Variants in AOPEP observed in about 807,000 individuals in gnomAD.
AOPEP encodes aminopeptidase O (putative), also known as aminopeptidase O.
A neutral mutation model predicts 98.1 loss-of-function variants in AOPEP; 77 were observed. The observed-to-expected ratio is 0.78, with a 90% confidence interval of 0.65 to 0.95. The LOEUF is 0.95. Among genes scored for constraint, AOPEP ranks in the 40% least tolerant of loss-of-function variants. The pLI is 0.00. For missense variants in AOPEP, 1,024 were observed against 1,024.7 expected (o/e 1.00, Z 0.01); for synonymous variants, 346 against 365.3 (o/e 0.95, Z 0.60).
At chr9:94,895,583 G>A (rs112564800) in intron 5 of AOPEP, among the ~76,000 whole-genome samples, 8,123 of 151,958 alleles carry the variant, frequency 0.053, 742 homozygotes, top group African/African-American at 0.18. Context: ...CCAAGTGCCT[G>A]CTTTTTTCTT....
At chr9:94,847,273 G>A (rs1428502134) in intron 5 of AOPEP, among the ~76,000 whole-genome samples, 1 of 152,186 alleles carries the variant, frequency 6.6e-6, no homozygotes, top group Non-Finnish European at 1.5e-5. Context: ...CTGTGAAGCT[G>A]GAAGGGTGGG....
intron 3 of AOPEP, among the ~76,000 whole-genome samples, chr9:94,776,459 G>A (rs1842122013): frequency 6.6e-6 from 1 of 152,136 alleles, no homozygotes; most frequent in Non-Finnish European, 1.5e-5. Context: ...ACGCCGCCAT[G>A]CCTGGCTAAT....
At chr9:94,943,671 C>A (rs946051082) in intron 7 of AOPEP, among the ~76,000 whole-genome samples, 2 of 150,638 alleles carry the variant, frequency 1.3e-5, no homozygotes, top group African/African-American at 4.9e-5. Context: ...GTAATCCCAG[C>A]ACTTTGGGAC....
intron 5 of AOPEP, among the ~76,000 whole-genome samples, chr9:94,802,179 G>A (rs181245768): frequency 2.0e-5 from 3 of 152,002 alleles, no homozygotes; most frequent in South Asian, 2.1e-4. Flanking sequence ...TGGAGGGGGG[G>A]GCTTCTTTTG....
chr9:94,804,556 G>A (rs1367682294), intron 5 of AOPEP, among the ~76,000 whole-genome samples: 6 of 152,164 alleles, frequency 3.9e-5, no homozygotes, highest in Admixed American at 1.3e-4. Context: ...TAGTGTGGCC[G>A]ATGACAGGTG....
chr9:95,006,200 A>G, intron 13 of AOPEP: 3 of 412,308 alleles, frequency 7.3e-6, no homozygotes, highest in South Asian at 5.6e-5. Context: ...TGTCATTGTA[A>G]TATCATGAAA....
intron 13 of AOPEP, chr9:95,019,381 A>G (rs1299960800): frequency 6.6e-6 from 1 of 152,196 alleles, no homozygotes; most frequent in Admixed American, 6.5e-5. Flanking sequence ...TCAAAGCTCC[A>G]TTTTAGATAA....
chr9:94,892,588 T>C (rs1373078413), intron 5 of AOPEP, among the ~76,000 whole-genome samples: 1 of 152,206 alleles, frequency 6.6e-6, no homozygotes, highest in Non-Finnish European at 1.5e-5. Context: ...TTCTGTGAGA[T>C]GGCCTCATTT....
chr9:94,845,751 G>T (rs534671771), intron 5 of AOPEP, among the ~76,000 whole-genome samples: 14 of 152,072 alleles, frequency 9.2e-5, no homozygotes, highest in Non-Finnish European at 1.8e-4. Context: ...GGAGGGCTGG[G>T]CAGGGGAAGA....
chr9:95,141,984 G>GTTTT, the AOPEP span, among the ~76,000 whole-genome samples: 2 of 97,766 alleles, frequency 2.0e-5, no homozygotes, highest in East Asian at 3.0e-4. Context: ...CAGTTTGTGG[G>GTTTT]GTTTTTTTTT....
intron 5 of AOPEP, among the ~76,000 whole-genome samples, chr9:94,816,807 T>C (rs1264706218): frequency 1.3e-5 from 2 of 152,080 alleles, no homozygotes; most frequent in African/African-American, 4.8e-5. Flanking sequence ...GATATCTGGT[T>C]CCCATTTCGT....
At chr9:94,985,210 A>G (rs191580200) in intron 11 of AOPEP, among the ~76,000 whole-genome samples, 5 of 152,400 alleles carry the variant, frequency 3.3e-5, no homozygotes, top group East Asian at 1.9e-4. Context: ...GCAGAAAGCA[A>G]CTTGGGTTCC....
At chr9:95,135,731 G>GA in the AOPEP span, among the ~76,000 whole-genome samples, 1 of 152,060 alleles carries the variant, frequency 6.6e-6, no homozygotes. Flanking sequence ...AAATGCTCAG[G>GA]AAAAAAATTG....
intron 1 of AOPEP, among the ~76,000 whole-genome samples, chr9:94,737,287 T>A (rs1832000955): frequency 6.6e-6 from 1 of 152,104 alleles, no homozygotes; most frequent in Non-Finnish European, 1.5e-5. Flanking sequence ...AAATTTTTCT[T>A]TTGTAGAGAT....
intron 5 of AOPEP, among the ~76,000 whole-genome samples, chr9:94,823,118 T>G (rs1330453195): frequency 6.6e-6 from 1 of 152,086 alleles, no homozygotes; most frequent in Non-Finnish European, 1.5e-5. Context: ...TGCCTTAGCC[T>G]CCTGAGTAGC....
At chr9:94,756,395 C>G (rs117539174) in intron 1 of AOPEP, among the ~76,000 whole-genome samples, 2,153 of 152,030 alleles carry the variant, frequency 0.014, 48 homozygotes, top group East Asian at 0.089. Context: ...AAGACCTCGT[C>G]TCTACAAAAA....
At chr9:94,909,634 G>A (rs2051713904) in intron 5 of AOPEP, among the ~76,000 whole-genome samples, 1 of 152,144 alleles carries the variant, frequency 6.6e-6, no homozygotes, top group South Asian at 2.1e-4. Context: ...GCTGTGACGT[G>A]TGTGACGTCC....
chr9:94,883,823 C>T (rs1411735448), intron 5 of AOPEP, among the ~76,000 whole-genome samples: 2 of 152,070 alleles, frequency 1.3e-5, no homozygotes, highest in African/African-American at 4.8e-5. Flanking sequence ...GAGGGTTGAC[C>T]TAGAGATCTG....
Position 94,916,710 on chromosome 9 carries a change from TTAAATAAA to T in AOPEP, c.1365-7255_1365-7248del, listed in dbSNP as rs72185513. On this transcript the variant is annotated intron_variant, in intron 5 of 16. Transcript: ENST00000375315. The stretch of plus-strand genomic sequence containing the variant: ...ACTCCCTCTCAAAAAAAAAAAAAAA[TTAAATAAA>T]TAAATAAATAAATAAATAAAGACAT... Among the ~76,000 whole-genome samples the T allele has an allele frequency of 2.7e-4, 38 of 143,086 alleles. 1 individual carries two copies. Among genetic ancestry groups the T allele is most frequent in the Middle Eastern group, 3.6e-3 (1 of 274 alleles). 93.9% of individuals were successfully genotyped at this position (143,086 alleles called of 152,430 possible). A position where few individuals can be genotyped will look rare whatever the true frequency, so the allele number is the denominator to read the frequency against.
Sources: allele counts gnomAD v4.1 joint callset (sites outside exome capture counted in the v4.1 genomes callset), GRCh38; gene constraint gnomAD v4.1.1; transcripts MANE v1.5; gene names NCBI Gene and HGNC (gene_info 2026-07-23, HGNC 2026-07-21).